Variants in ATP8A2 observed in about 807,000 individuals in gnomAD.
ATP8A2 encodes the protein ATPase phospholipid transporting 8A2, also known as phospholipid-transporting ATPase IB.
A neutral mutation model predicts 165.6 loss-of-function variants in ATP8A2; 100 were observed. The observed-to-expected ratio is 0.60, with a 90% CI of 0.51 to 0.71. The LOEUF is 0.71. ATP8A2 is among the 30% of genes least tolerant of loss of function. ATP8A2 has a pLI of 0.00. For synonymous variants in ATP8A2, 543 were observed against 548.8 expected, an observed-to-expected ratio of 0.99 and a Z score of 0.15; for missense variants, 1,227 against 1,479.5, an observed-to-expected ratio of 0.83 and a Z score of 2.80.
intron 24 of ATP8A2, among the ~76,000 whole-genome samples, chr13:25,697,601 T>C (rs931437658): frequency 3.6e-4 from 55 of 152,318 alleles, no homozygotes; most frequent in African/African-American, 1.2e-3. Flanking sequence ...AAATTCTTGA[T>C]GAATAAATAG....
chr13:25,886,681 G>A (rs1448258401), intron 33 of ATP8A2, among the ~76,000 whole-genome samples: 1 of 152,206 alleles, frequency 6.6e-6, no homozygotes, highest in East Asian at 1.9e-4. Flanking sequence ...CTTCCAAGTG[G>A]CAGCCCAGAG....
At chr13:25,923,311 G>A (rs1440128621) in intron 33 of ATP8A2, among the ~76,000 whole-genome samples, 3 of 152,028 alleles carry the variant, frequency 2.0e-5, no homozygotes, top group Non-Finnish European at 2.9e-5. Context: ...CACTTTCAGC[G>A]AACATTTATT....
chr13:25,889,244 T>C (rs1347240319), intron 33 of ATP8A2, among the ~76,000 whole-genome samples: 1 of 53,334 alleles, frequency 1.9e-5, no homozygotes, highest in East Asian at 7.1e-4. Context: ...TCATCCTTTG[T>C]CATATATATA....
chr13:25,902,661 A>G (rs1593532047), intron 33 of ATP8A2, among the ~76,000 whole-genome samples: 2 of 151,692 alleles, frequency 1.3e-5, no homozygotes, highest in African/African-American at 2.4e-5. Flanking sequence ...ATTTTGCACC[A>G]TGCTGCAAAA....
At chr13:25,936,362 G>C (rs1954889919) in intron 33 of ATP8A2, among the ~76,000 whole-genome samples, 1 of 152,232 alleles carries the variant, frequency 6.6e-6, no homozygotes, top group African/African-American at 2.4e-5. Context: ...CCATGGGCCT[G>C]AGTGTCTGCG....
intron 2 of ATP8A2, among the ~76,000 whole-genome samples, chr13:25,477,806 G>A (rs1321018568): frequency 2.0e-5 from 3 of 152,032 alleles, no homozygotes; most frequent in South Asian, 2.1e-4. Flanking sequence ...GCACGGTGGC[G>A]GGTGCCTATA....
chr13:25,797,007 C>A (rs1950511213), intron 27 of ATP8A2, among the ~76,000 whole-genome samples: 1 of 152,136 alleles, frequency 6.6e-6, no homozygotes, highest in African/African-American at 2.4e-5. Flanking sequence ...ATGGCTCATG[C>A]CTATAATCCC....
At chr13:25,958,138 G>C (rs554752036) in intron 33 of ATP8A2, among the ~76,000 whole-genome samples, 1 of 151,800 alleles carries the variant, frequency 6.6e-6, no homozygotes, top group African/African-American at 2.4e-5. Flanking sequence ...GTTGTGGGGT[G>C]GGGGACTAGG....
chr13:25,849,022 G>C (rs950363170), intron 30 of ATP8A2, among the ~76,000 whole-genome samples: 29 of 152,010 alleles, frequency 1.9e-4, no homozygotes, highest in African/African-American at 7.0e-4. Context: ...TGGGGGCGGG[G>C]GCTGGCTCAG....
chr13:25,698,119 C>T (rs1227583697), intron 24 of ATP8A2, among the ~76,000 whole-genome samples: 1 of 152,120 alleles, frequency 6.6e-6, no homozygotes, highest in African/African-American at 2.4e-5. Flanking sequence ...CTGTGCTTCC[C>T]AATTAACTTA....
At chr13:25,480,575 G>A (rs2036154716) in intron 2 of ATP8A2, among the ~76,000 whole-genome samples, 1 of 151,224 alleles carries the variant, frequency 6.6e-6, no homozygotes, top group South Asian at 2.1e-4. Flanking sequence ...GGGCAGAGAC[G>A]CTCCTCCCTT....
intron 16 of ATP8A2, 119 bp from the exon 17 acceptor site, chr13:25,570,648 C>CAGGGAGCAA: frequency 1.3e-6 from 1 of 781,926 alleles, no homozygotes; most frequent in Non-Finnish European, 2.2e-6. Context: ...TTAAGGACCT[C>CAGGGAGCAA]TACCCTGTCC....
chr13:25,484,799 G>T (rs556869168), intron 2 of ATP8A2, among the ~76,000 whole-genome samples: 1 of 152,154 alleles, frequency 6.6e-6, no homozygotes, highest in Non-Finnish European at 1.5e-5. Flanking sequence ...TTACAGGCGT[G>T]AGCGACCGCA....
In ATP8A2 at chr13:25,528,959, A is replaced by G. The variant is rs527794272; in HGVS notation, c.222-1040A>G. ...ATCATTTATATTAGGTGTATCTCCT[A>G]ATGCTATCCCTCCCCACTTCCCCCA... On this transcript the variant is annotated intron_variant, in intron 2 of 36. Coordinates refer to ENST00000381655, the MANE Select transcript of ATP8A2 (RefSeq NM_016529.6). 2.6e-5 allele frequency among the ~76,000 whole-genome samples: 4 copies of G among 152,010 alleles called. No individual in the cohort carries two copies. The South Asian group carries it at 8.3e-4, about 32-fold the overall frequency.
At chr13:25,740,220 A>T (rs887289681) in intron 25 of ATP8A2, among the ~76,000 whole-genome samples, 12 of 151,198 alleles carry the variant, frequency 7.9e-5, no homozygotes, top group African/African-American at 2.9e-4. Flanking sequence ...GAGGCAGGAG[A>T]ATGGTGTGAA....
At chr13:25,925,172 C>G (rs1242010902) in intron 33 of ATP8A2, among the ~76,000 whole-genome samples, 1 of 152,124 alleles carries the variant, frequency 6.6e-6, no homozygotes, top group Non-Finnish European at 1.5e-5. Flanking sequence ...AAAAAATCCT[C>G]TCTCAGCTGG....
At chr13:25,637,698 A>G (rs924947303) in intron 24 of ATP8A2, among the ~76,000 whole-genome samples, 13 of 152,190 alleles carry the variant, frequency 8.5e-5, no homozygotes, top group African/African-American at 3.1e-4. Context: ...ATAGCCAAAC[A>G]AAAGGCAGCA....
intron 25 of ATP8A2, among the ~76,000 whole-genome samples, chr13:25,753,070 G>C (rs1330136196): frequency 6.6e-6 from 1 of 152,180 alleles, no homozygotes; most frequent in Non-Finnish European, 1.5e-5. Context: ...GTCTCCTTCA[G>C]CAAGCTGGGC....
intron 35 of ATP8A2, among the ~76,000 whole-genome samples, chr13:25,991,692 C>G (rs1956398068): frequency 6.6e-6 from 1 of 152,136 alleles, no homozygotes; most frequent in African/African-American, 2.4e-5. Context: ...CTGTTTACTG[C>G]TGAGTAATAT....
Sources: gnomAD v4.1 joint callset for allele counts (sites outside exome capture counted in the v4.1 genomes callset) on GRCh38, gnomAD v4.1.1 for gene constraint, MANE v1.5 for transcripts, NCBI Gene and HGNC (gene_info 2026-07-23, HGNC 2026-07-21) for gene names.